The following MPDZ variants were observed in gnomAD, a reference collection of about 807,000 sequenced individuals.
MPDZ encodes the protein multiple PDZ domain protein.
Under a neutral mutation model 239.1 loss-of-function variants are expected in MPDZ, and 234 were observed. That is an observed-to-expected ratio of 0.98 (90% confidence interval 0.88 to 1.09). The LOEUF (loss-of-function observed/expected upper bound fraction) is 1.09. Among genes scored for constraint, MPDZ ranks in the 50% least tolerant of loss-of-function variants. The pLI, the probability that MPDZ is intolerant of heterozygous loss-of-function variation, is 0.00. For synonymous variants in MPDZ, 1,048 were observed against 881.3 expected, an observed-to-expected ratio of 1.19 and a Z score of -3.35; for missense variants, 3,175 against 2,510.0, an observed-to-expected ratio of 1.26 and a Z score of -5.66.
intron 10 of MPDZ, among the ~76,000 whole-genome samples, chr9:13,215,869 G>A (rs1054462054): frequency 7.1e-6 from 1 of 140,068 alleles, no homozygotes; most frequent in Admixed American, 7.8e-5. Flanking sequence ...CCAGACTCAA[G>A]GAATCCTCCC....
chr9:13,269,821 A>T (rs967668406), intron 1 of MPDZ, among the ~76,000 whole-genome samples: 16 of 152,216 alleles, frequency 1.1e-4, no homozygotes, highest in Non-Finnish European at 2.4e-4. Flanking sequence ...GACAATTTAC[A>T]TCTTGCTGGC....
chr9:13,237,006 A>T (rs1228172868), intron 3 of MPDZ, among the ~76,000 whole-genome samples: 1 of 152,172 alleles, frequency 6.6e-6, no homozygotes, highest in Non-Finnish European at 1.5e-5. Context: ...AAAAAAGACT[A>T]CAAATTGCTT....
intron 34 of MPDZ, among the ~76,000 whole-genome samples, chr9:13,126,081 T>C (rs1157640562): frequency 6.6e-6 from 1 of 152,190 alleles, no homozygotes; most frequent in Non-Finnish European, 1.5e-5. Context: ...TAAGATCTCT[T>C]TTGAGGAGAG....
intron 3 of MPDZ, 126 bp downstream of exon 3, chr9:13,247,509 G>A (rs996753606): frequency 4.2e-6 from 4 of 962,622 alleles, no homozygotes; most frequent in African/African-American, 1.6e-5. Flanking sequence ...TGTCTCATTT[G>A]GAGGTTTAAA....
At chr9:13,240,484 C>T (rs1965113284) in intron 3 of MPDZ, among the ~76,000 whole-genome samples, 1 of 147,368 alleles carries the variant, frequency 6.8e-6, no homozygotes, top group African/African-American at 2.5e-5. Context: ...AGCTGAAGTG[C>T]ATTTCTCTTC....
At chr9:13,216,912 G>T in intron 9 of MPDZ, 50 bp from the exon 10 acceptor site, 1 of 1,397,080 alleles carries the variant, frequency 7.2e-7, no homozygotes, top group Non-Finnish European at 1.0e-6. Context: ...CACATTCAAA[G>T]AATATCCATC....
rs949512045 is a variant in MPDZ at position 13,117,994 on chromosome 9, G to A, written c.5379+1508C>T. On this transcript the variant is annotated intron_variant, in intron 39 of 46. Coordinates refer to ENST00000319217, the MANE Select transcript of MPDZ (RefSeq NM_001378778.1). ...TGAGTAGCTGGGATTACAGGCATGC[G>A]CTACCACACCTGGCTAATTTTGTAT... Among the ~76,000 whole-genome samples, 7 of 151,846 alleles carry A rather than the reference G, an allele frequency of 4.6e-5. No homozygotes were observed. In the South Asian group the frequency reaches 1.0e-3, roughly 23 times the overall value.
At chr9:13,153,108 G>C (rs1269893206) in intron 24 of MPDZ, among the ~76,000 whole-genome samples, 1 of 152,108 alleles carries the variant, frequency 6.6e-6, no homozygotes, top group African/African-American at 2.4e-5. Flanking sequence ...AGTTCCTAGA[G>C]AAGAGGAAAG....
chr9:13,126,683 G>A lies in MPDZ; in HGVS notation c.4554C>T (p.Ala1518=), dbSNP rs1405869305. The A allele has an allele frequency of 2.5e-6, 4 of 1,613,518 alleles. No homozygotes were observed. Among genetic ancestry groups the A allele is most frequent in the Non-Finnish European group, 3.4e-6 (4 of 1,179,590 alleles). ...IKSLTEHGVA[A]TDGRLKVGDQ... ...CAGCAAGAAAGGTAAACCTCACCGT[G>A]GCTGCTACCCCATGCTCTGTTAAGC... Residue 1518 remains alanine (A), a synonymous_variant, in exon 33 of 47, where the codon GCC becomes GCT. Transcript: ENST00000319217.
Position 13,108,923 on chromosome 9 carries a change from T to C in MPDZ, c.6066+13A>G. The C allele has an allele frequency of 6.2e-7, 1 of 1,609,294 alleles. No individual in the cohort carries two copies. Among genetic ancestry groups the C allele is most frequent in the Non-Finnish European group, 8.5e-7 (1 of 1,177,206 alleles). On this transcript the variant is annotated intron_variant, in intron 46 of 46. Transcript: ENST00000319217. ...TTAGGGGAAAAGAGGGTGGTTAAAA[T>C]TTGCAAGCTTACCTTTGCAAACACT...
At chr9:13,116,622 G>GT (rs1450053584) in intron 39 of MPDZ, among the ~76,000 whole-genome samples, 1 of 152,128 alleles carries the variant, frequency 6.6e-6, no homozygotes, top group East Asian at 1.9e-4. Context: ...TTACATAACT[G>GT]TAAGGTTAAC....
intron 22 of MPDZ, chr9:13,165,389 C>T: frequency 6.5e-7 from 1 of 1,549,568 alleles, no homozygotes; most frequent in Middle Eastern, 1.7e-4. Context: ...GCTCGATCGT[C>T]AGCAGGTGCT....
intron 2 of MPDZ, among the ~76,000 whole-genome samples, chr9:13,249,745 T>C (rs1305982122): frequency 6.6e-6 from 1 of 152,188 alleles, no homozygotes; most frequent in Non-Finnish European, 1.5e-5. Flanking sequence ...TACAAACTAG[T>C]TTCTTTAAAA....
At chr9:13,217,041 A>G in intron 9 of MPDZ, 139 bp downstream of exon 9, 1 of 780,874 alleles carries the variant, frequency 1.3e-6, no homozygotes, top group Middle Eastern at 3.8e-4. Flanking sequence ...AGAGTCACCT[A>G]CACTAAATTA....
At chr9:13,162,883 CA>C in intron 22 of MPDZ, 88 bp from the exon 23 acceptor site, 8 of 822,896 alleles carry the variant, frequency 9.7e-6, no homozygotes, top group Non-Finnish European at 1.4e-5. Flanking sequence ...GGAAACAAAT[CA>C]TATTGTCCCT....
chr9:13,139,764 A>T (rs761772349), intron 28 of MPDZ: 8 of 539,866 alleles, frequency 1.5e-5, no homozygotes, highest in Non-Finnish European at 2.7e-5. Flanking sequence ...CAAAAGGCAG[A>T]GTGAGCTTTA....
chr9:13,236,720 A>C (rs754155706), intron 3 of MPDZ, among the ~76,000 whole-genome samples: 1 of 152,094 alleles, frequency 6.6e-6, no homozygotes, highest in Non-Finnish European at 1.5e-5. Context: ...GAACACTCGA[A>C]TAAAGATTGG....
At chr9:13,120,250 A>G (rs991714261) in intron 38 of MPDZ, 1 of 152,048 alleles carries the variant, frequency 6.6e-6, no homozygotes, top group Non-Finnish European at 1.5e-5. Context: ...TCACAAAACT[A>G]TAAAAAAAAA....
intron 12 of MPDZ, among the ~76,000 whole-genome samples, chr9:13,198,526 C>G (rs73406300): frequency 0.037 from 5,604 of 151,750 alleles, 333 homozygotes; most frequent in African/African-American, 0.11. Context: ...TATTTTCTCT[C>G]ATTCTTTGGG....
Sources: gnomAD v4.1 joint callset for allele counts (sites outside exome capture counted in the v4.1 genomes callset) on GRCh38, gnomAD v4.1.1 for gene constraint, MANE v1.5 for transcripts, NCBI Gene and HGNC (gene_info 2026-07-23, HGNC 2026-07-21) for gene names.